VTI1A: variants seen among roughly 807,000 people sequenced by gnomAD.
VTI1A encodes vesicle transport through interaction with t-SNAREs homolog 1A.
A neutral mutation model predicts 34.9 loss-of-function variants in VTI1A; 22 were observed. The ratio of observed to expected loss-of-function variants is 0.63; its 90% CI spans 0.45 to 0.90. The LOEUF (loss-of-function observed/expected upper bound fraction) is 0.90, where lower values mean the gene tolerates loss of function less well. VTI1A is among the 40% of genes least tolerant of loss of function. The pLI, the probability that VTI1A is intolerant of heterozygous loss-of-function variation, is 0.00. For synonymous variants in VTI1A, 87 were observed against 97.3 expected, an observed-to-expected ratio of 0.89 and a Z score of 0.62; for missense variants, 268 against 275.6, an observed-to-expected ratio of 0.97 and a Z score of 0.20.
chr10:112,491,686 T>A (rs1848829465), intron 3 of VTI1A, among the ~76,000 whole-genome samples: 1 of 152,232 alleles, frequency 6.6e-6, no homozygotes, highest in Admixed American at 6.5e-5. Context: ...ACATTCTTTT[T>A]TTCTTGTCTT....
the VTI1A span, chr10:112,826,018 T>G: frequency 6.6e-6 from 1 of 152,178 alleles, no homozygotes; most frequent in Non-Finnish European, 1.5e-5. Flanking sequence ...AAAGTGAGAC[T>G]GGGGAAGAAA....
chr10:112,584,655 A>C (rs1011434419), intron 5 of VTI1A, among the ~76,000 whole-genome samples: 2 of 152,244 alleles, frequency 1.3e-5, no homozygotes, highest in African/African-American at 2.4e-5. Context: ...CAGATCAGAC[A>C]TTGACTGCGT....
At chr10:112,791,833 CT>C (rs10664072) in intron 7 of VTI1A, among the ~76,000 whole-genome samples, 2 of 148,574 alleles carry the variant, frequency 1.3e-5, no homozygotes, top group African/African-American at 4.9e-5. Flanking sequence ...AACAATATAA[CT>C]TTTTTTTTTT....
At chr10:112,822,485 A>C (rs1214235337), downstream of VTI1A, among the ~76,000 whole-genome samples, 1 of 152,186 alleles carries the variant, frequency 6.6e-6, no homozygotes, top group Non-Finnish European at 1.5e-5. Flanking sequence ...GGCCCTCCTG[A>C]GGCTGAAGGA....
chr10:112,607,378 T>G (rs1490770348), intron 5 of VTI1A, among the ~76,000 whole-genome samples: 1 of 152,054 alleles, frequency 6.6e-6, no homozygotes, highest in Non-Finnish European at 1.5e-5. Context: ...GCAGAGCAGT[T>G]ATACTTCCCC....
chr10:112,535,954 C>T (rs1352622536), intron 4 of VTI1A, among the ~76,000 whole-genome samples: 2 of 152,148 alleles, frequency 1.3e-5, no homozygotes, highest in Non-Finnish European at 2.9e-5. Flanking sequence ...CTCTTGTGTG[C>T]AGATTTACTC....
intron 3 of VTI1A, among the ~76,000 whole-genome samples, chr10:112,471,682 T>C (rs551000666): frequency 6.7e-6 from 1 of 150,220 alleles, no homozygotes; most frequent in South Asian, 2.1e-4. Flanking sequence ...AAACAACTTT[T>C]AAAAAAAAAA....
At chr10:112,665,680 C>G (rs1847618064) in intron 5 of VTI1A, among the ~76,000 whole-genome samples, 1 of 152,136 alleles carries the variant, frequency 6.6e-6, no homozygotes, top group Non-Finnish European at 1.5e-5. Context: ...GAGTTTTCCC[C>G]TCGGCGAACC....
chr10:112,452,502 A>T (rs1847275562), intron 1 of VTI1A, among the ~76,000 whole-genome samples: 1 of 149,640 alleles, frequency 6.7e-6, no homozygotes. Context: ...AGGGAGTCAG[A>T]GGTTGCAGTG....
chr10:112,814,398 G>A (rs2134094480), intron 7 of VTI1A, among the ~76,000 whole-genome samples: 1 of 152,322 alleles, frequency 6.6e-6, no homozygotes, highest in Middle Eastern at 3.4e-3. Flanking sequence ...GCGAGCGTGG[G>A]CACGGCTGTT....
chr10:112,784,769 T>G (rs991814784), intron 7 of VTI1A, among the ~76,000 whole-genome samples: 1 of 152,214 alleles, frequency 6.6e-6, no homozygotes, highest in Non-Finnish European at 1.5e-5. Flanking sequence ...TCCCCTGTTT[T>G]AAGGCATTTC....
intron 5 of VTI1A, among the ~76,000 whole-genome samples, chr10:112,591,454 A>C (rs1003083898): frequency 1.3e-5 from 2 of 152,088 alleles, no homozygotes; most frequent in Non-Finnish European, 2.9e-5. Context: ...CAGGAGGCGG[A>C]GCTTGCAGTG....
intron 5 of VTI1A, among the ~76,000 whole-genome samples, chr10:112,648,547 A>G (rs1846892286): frequency 6.6e-6 from 1 of 152,206 alleles, no homozygotes; most frequent in Admixed American, 6.5e-5. Flanking sequence ...AGAATATTAT[A>G]CATAGTTCAA....
chr10:112,813,855 AT>A (rs1853411420), intron 7 of VTI1A, among the ~76,000 whole-genome samples: 1 of 152,192 alleles, frequency 6.6e-6, no homozygotes, highest in African/African-American at 2.4e-5. Context: ...CAAGTGGACC[AT>A]TCATCTCCTG....
At chr10:112,479,472 C>G (rs1357805859) in intron 3 of VTI1A, among the ~76,000 whole-genome samples, 1 of 152,198 alleles carries the variant, frequency 6.6e-6, no homozygotes, top group Non-Finnish European at 1.5e-5. Context: ...ATGCACTTGT[C>G]TTAAGATTCC....
At position 112,522,157 on chromosome 10, in the gene VTI1A, G is replaced by A. The variant is rs552377243; in HGVS notation, c.265-4930G>A. On this transcript the variant is annotated intron_variant, in intron 3 of 7. Transcript: ENST00000393077. ...TCCCAAAGTGTTAATTATAACAGGA[G>A]CAGTTAAATTCTTTGGAGCAGTTAA... 2.0e-5 allele frequency among the ~76,000 whole-genome samples: 3 copies of A among 152,124 alleles called. No homozygotes were observed. In the East Asian group the frequency reaches 5.8e-4, roughly 29 times the overall value.
chr10:112,822,274 G>T (rs574308307), downstream of VTI1A, among the ~76,000 whole-genome samples: 1 of 152,312 alleles, frequency 6.6e-6, no homozygotes, highest in Admixed American at 6.5e-5. Context: ...TTCTTCTAAG[G>T]ATTGCGTTCT....
chr10:112,832,527 C>T, the VTI1A span: 1 of 152,222 alleles, frequency 6.6e-6, no homozygotes, highest in African/African-American at 2.4e-5. Flanking sequence ...AGACTTACTT[C>T]TTCTCTTTCT....
At chr10:112,770,759 C>G (rs11196100) in intron 7 of VTI1A, among the ~76,000 whole-genome samples, 15,099 of 151,974 alleles carry the variant, frequency 0.099, 1,109 homozygotes, top group East Asian at 0.25. Context: ...TTATAACACC[C>G]TGCTTCTGCC....
Sources: allele counts gnomAD v4.1 joint callset (sites outside exome capture counted in the v4.1 genomes callset), GRCh38; gene constraint gnomAD v4.1.1; transcripts MANE v1.5; gene names NCBI Gene and HGNC (gene_info 2026-07-23, HGNC 2026-07-21).